ARID4B: variants seen among roughly 807,000 people sequenced by gnomAD.
ARID4B encodes AT-rich interaction domain 4B, also known as AT-rich interactive domain-containing protein 4B.
ARID4B carries 26 observed loss-of-function variants against 147.5 expected under a neutral mutation model. The ratio of observed to expected loss-of-function variants is 0.18; its 90% CI spans 0.13 to 0.24. ARID4B has a LOEUF of 0.24. ARID4B is among the 10% of genes least tolerant of loss of function. The pLI is 1.00. For missense variants in ARID4B, 1,179 were observed against 1,511.5 expected (o/e 0.78, Z 3.65); for synonymous variants, 512 against 507.9 (o/e 1.01, Z -0.11).
At chr1:235,176,966 G>A in intron 21 of ARID4B, 1 of 471,092 alleles carries the variant, frequency 2.1e-6, no homozygotes, top group South Asian at 1.5e-5. Context: ...GAGATAAAAT[G>A]TGCAGCCCTC....
chr1:235,307,286 A>C (rs2103264260), intron 2 of ARID4B, among the ~76,000 whole-genome samples: 1 of 152,304 alleles, frequency 6.6e-6, no homozygotes, highest in Middle Eastern at 3.4e-3. Context: ...ACTACAAAAA[A>C]ATAAAAAACT....
chr1:235,207,938 A>G (rs998674651), intron 17 of ARID4B, among the ~76,000 whole-genome samples: 2 of 152,224 alleles, frequency 1.3e-5, no homozygotes, highest in African/African-American at 4.8e-5. Context: ...GTAACTGTTA[A>G]CATGCACTAG....
At chr1:235,230,894 G>GCT (rs1668178161) in intron 10 of ARID4B, among the ~76,000 whole-genome samples, 2 of 151,030 alleles carry the variant, frequency 1.3e-5, no homozygotes, top group African/African-American at 4.9e-5. Flanking sequence ...CTCCACCCTG[G>GCT]GCGACAGAGC....
At chr1:235,189,929 GAGGAAATCATCA>G in intron 19 of ARID4B, 1 of 154,196 alleles carries the variant, frequency 6.5e-6, no homozygotes, top group Admixed American at 6.6e-5. Flanking sequence ...AAATGCAGGA[GAGGAAATCATCA>G]AGAAAATCAT....
rs561580976 is a variant in ARID4B, at chr1:235,220,279, A to G, written c.1407+23T>C. On this transcript the variant is annotated intron_variant, in intron 15 of 23. Coordinates refer to ENST00000264183, the MANE Select transcript of ARID4B (RefSeq NM_016374.6). ...GAAAATATACCAAAGAAAGCAAAAG[A>G]CAATTAACAATATCTGATTTACCAG... is the stretch of plus-strand genomic sequence containing the variant. 4 of 1,570,608 alleles carry G rather than the reference A, an allele frequency of 2.5e-6. No homozygotes were observed. The African/African-American group carries it at 5.5e-5, about 22-fold the overall frequency.
intron 15 of ARID4B, 79 bp downstream of exon 15, chr1:235,220,223 A>G: frequency 1.6e-6 from 2 of 1,258,772 alleles, no homozygotes; most frequent in Non-Finnish European, 2.2e-6. Context: ...ATTATACAAT[A>G]TATTGATTTT....
At chr1:235,191,465 A>C (rs986673754) in intron 19 of ARID4B, among the ~76,000 whole-genome samples, 2 of 151,874 alleles carry the variant, frequency 1.3e-5, no homozygotes, top group African/African-American at 4.8e-5. Flanking sequence ...CATGTTGGCC[A>C]GGCTGGTCTC....
chr1:235,226,386 A>T (rs1248659868), intron 11 of ARID4B, among the ~76,000 whole-genome samples: 2 of 152,144 alleles, frequency 1.3e-5, no homozygotes, highest in African/African-American at 4.8e-5. Context: ...TTTGAGACAG[A>T]GTCTTGCTCT....
chr1:235,201,189 G>GC (rs1665891723), intron 17 of ARID4B, among the ~76,000 whole-genome samples: 1 of 152,014 alleles, frequency 6.6e-6, no homozygotes, highest in East Asian at 1.9e-4. Flanking sequence ...CAAAATAACT[G>GC]GAAAGGAAGT....
At chr1:235,237,218 TAGAA>T (rs767738458) in intron 8 of ARID4B, among the ~76,000 whole-genome samples, 3 of 152,040 alleles carry the variant, frequency 2.0e-5, no homozygotes, top group South Asian at 4.2e-4. Flanking sequence ...CCTAGTGCTT[TAGAA>T]AGAAAGAAAG....
intron 2 of ARID4B, among the ~76,000 whole-genome samples, chr1:235,316,144 T>A (rs1317700323): frequency 1.3e-5 from 2 of 152,168 alleles, no homozygotes; most frequent in African/African-American, 4.8e-5. Flanking sequence ...GTTATAAATT[T>A]AAAAAATTCA....
intron 8 of ARID4B, among the ~76,000 whole-genome samples, chr1:235,237,923 G>A (rs1668713768): frequency 6.6e-6 from 1 of 152,138 alleles, no homozygotes. Flanking sequence ...GGCTGAGGCG[G>A]GCAGATCACC....
chr1:235,268,090 A>G (rs1174518439), intron 2 of ARID4B, among the ~76,000 whole-genome samples: 2 of 152,152 alleles, frequency 1.3e-5, no homozygotes, highest in African/African-American at 2.4e-5. Flanking sequence ...GGGGAACCAC[A>G]TGGAGGTGCA....
chr1:235,219,040 T>C (rs527421165), intron 16 of ARID4B, among the ~76,000 whole-genome samples: 1 of 152,084 alleles, frequency 6.6e-6, no homozygotes, highest in African/African-American at 2.4e-5. Context: ...TTCTTTGTAT[T>C]TTTAGAAGAG....
At chr1:235,223,382 T>TATATACACGTATATATATATATATATAC (rs71172272) in intron 12 of ARID4B, 122 bp from the exon 13 acceptor site, 38 of 214,172 alleles carry the variant, frequency 1.8e-4, no homozygotes, top group South Asian at 8.3e-4. Flanking sequence ...TATATATATA[T>TATATACACGTATATATATATATATATAC]ACACGTATAT....
chr1:235,323,648 A>G (rs1675008804), intron 2 of ARID4B, among the ~76,000 whole-genome samples: 1 of 151,830 alleles, frequency 6.6e-6, no homozygotes, highest in Non-Finnish European at 1.5e-5. Flanking sequence ...GCCCGGCATG[A>G]TGGTGCATGC....
chr1:235,182,421 C>T lies in ARID4B; in HGVS notation c.2498G>A (p.Cys833Tyr). The T allele has an allele frequency of 6.2e-7, 1 of 1,609,626 alleles. No homozygotes were observed. The highest frequency in any genetic ancestry group is 1.3e-5 in the African/African-American group (1 of 74,550). ...GKRRYCNTEE[C>Y]LKTGSPGKKE... The stretch of plus-strand genomic sequence containing the variant: ...TTTGCCAGGTGATCCAGTTTTTAGA[C>T]ACTCTTCTGTATTGCAATACCTTCT... The change falls in exon 20 of 24, where the codon TGT (cysteine) becomes TAT (tyrosine). Residue 833 changes from cysteine to tyrosine, a missense_variant. By Grantham distance (194) the Cys-to-Tyr change is radical. Around this residue, in one of 10 missense-constraint regions of ARID4B, gnomAD observed 321 missense variants for 342.4 expected, o/e 0.94. Transcript: ENST00000264183.
In ARID4B at chr1:235,318,880, C is replaced by CA. The variant is rs914308995; in HGVS notation, c.6+8033dup. Among the ~76,000 whole-genome samples the CA allele has an allele frequency of 2.2e-4, 33 of 149,038 alleles. No individual in the cohort carries two copies. The East Asian group carries it at 2.8e-3, about 12-fold the overall frequency. ...TGGGTGACAGAATCAAAACTCTTCT[C>CA]AAAAAAAAAATTTAGATTAGTTACT... On this transcript the variant is annotated intron_variant, in intron 2 of 23. Transcript: ENST00000264183.
chr1:235,228,991 C>G lies in ARID4B; in HGVS notation c.897+240G>C, dbSNP rs186402651. The G allele has an allele frequency of 3.9e-5, 17 of 436,218 alleles. No homozygotes were observed. The East Asian group carries it at 7.0e-4, about 18-fold the overall frequency. The allele number at this position is 436,218 out of a possible 1,614,324, so 27.0% of individuals were successfully genotyped here. A position where few individuals can be genotyped will look rare whatever the true frequency, so the allele number is the denominator to read the frequency against. On this transcript the variant is annotated intron_variant, in intron 11 of 23. Coordinates refer to ENST00000264183, the MANE Select transcript of ARID4B (RefSeq NM_016374.6). ...TCTCATTAAAAAAAGCATAGGAAGACTAAGACATGTTTTTGAGGTTATTAG... is the reference window on the plus strand; with the variant it reads ...TCTCATTAAAAAAAGCATAGGAAGAGTAAGACATGTTTTTGAGGTTATTAG...
Sources: gnomAD v4.1 joint callset for allele counts (sites outside exome capture counted in the v4.1 genomes callset) on GRCh38, gnomAD v4.1.1 for gene constraint, gnomAD v4.1.1 regional missense constraint, MANE v1.5 for transcripts, NCBI Gene and HGNC (gene_info 2026-07-23, HGNC 2026-07-21) for gene names.